The following LMF1 variants were observed in gnomAD, a reference collection of about 807,000 sequenced individuals.
LMF1 encodes the protein transmembrane protein 112.
Under a neutral mutation model 60.6 loss-of-function variants are expected in LMF1, and 68 were observed. The ratio of observed to expected loss-of-function variants is 1.12; its 90% CI spans 0.92 to 1.37. The LOEUF is 1.37. Among genes scored for constraint, LMF1 ranks in the 40% most tolerant of loss-of-function variants. The pLI is 0.00. For synonymous variants in LMF1, 418 were observed against 324.7 expected, an observed-to-expected ratio of 1.29 and a Z score of -3.09; for missense variants, 948 against 767.2, an observed-to-expected ratio of 1.24 and a Z score of -2.78.
At chr16:934,464 A>C in intron 2 of LMF1, 1 of 594,756 alleles carries the variant, frequency 1.7e-6, no homozygotes, top group Non-Finnish European at 3.0e-6. Flanking sequence ...AGGCAACCAA[A>C]ACATATTCCA....
intron 5 of LMF1, among the ~76,000 whole-genome samples, chr16:888,986 G>A (rs1338959320): frequency 6.6e-6 from 1 of 152,238 alleles, no homozygotes; most frequent in Non-Finnish European, 1.5e-5. Flanking sequence ...CTGAGGACAT[G>A]GCTCTGGTCC....
At position 954,562 on chromosome 16, in the gene LMF1, CCTGGAAGTACTG is replaced by C; in HGVS notation, c.286_297del (p.Gln96_Gln99del). On this transcript the variant is annotated inframe_deletion, in exon 2 of 11. Coordinates refer to ENST00000262301, the MANE Select transcript of LMF1 (RefSeq NM_022773.4). Reference sequence around the variant, plus strand: ...CTGAAGACTTCCCAGCTCGTCCTGTCCTGGAAGTACTGCTGGAAGTTCTTCAGGAACACTCTG... The same window carrying C: ...CTGAAGACTTCCCAGCTCGTCCTGTCCTGGAAGTTCTTCAGGAACACTCTG... 1.2e-6 allele frequency: 2 copies of C among 1,613,296 alleles called. No homozygotes were observed. Among genetic ancestry groups the C allele is most frequent in the Non-Finnish European group, 1.7e-6 (2 of 1,179,846 alleles).
At chr16:947,059 C>G (rs557650126) in intron 2 of LMF1, among the ~76,000 whole-genome samples, 1 of 152,208 alleles carries the variant, frequency 6.6e-6, no homozygotes, top group African/African-American at 2.4e-5. Flanking sequence ...GACAAAGACA[C>G]CCAGCACACA....
At chr16:900,749 T>G (rs965528243) in intron 4 of LMF1, 7 of 149,916 alleles carry the variant, frequency 4.7e-5, no homozygotes, top group Non-Finnish European at 7.4e-5. Context: ...ACAGACGGGA[T>G]TTCACCATGT....
chr16:958,687 G>C (rs1206951601), intron 1 of LMF1, among the ~76,000 whole-genome samples: 1 of 152,200 alleles, frequency 6.6e-6, no homozygotes, highest in Non-Finnish European at 1.5e-5. Context: ...AGGAGTTCAA[G>C]ACCAGCCTGG....
intron 1 of LMF1, among the ~76,000 whole-genome samples, chr16:967,954 G>A (rs1047589684): frequency 2.0e-5 from 3 of 152,226 alleles, no homozygotes; most frequent in East Asian, 1.9e-4. Context: ...GAGTCCACAC[G>A]TCAGGAAGAC....
At chr16:967,667 C>T (rs1253477141) in intron 1 of LMF1, among the ~76,000 whole-genome samples, 2 of 152,248 alleles carry the variant, frequency 1.3e-5, no homozygotes, top group Non-Finnish European at 2.9e-5. Context: ...TCCCCGACCA[C>T]CTCGGGCAGC....
intron 10 of LMF1, among the ~76,000 whole-genome samples, chr16:859,090 CTCGGGACGG>C (rs2069327909): frequency 1.9e-5 from 2 of 106,048 alleles, no homozygotes; most frequent in Admixed American, 1.9e-4. Flanking sequence ...TGAGTGGTGT[CTCGGGACGG>C]GTGTGCAGTG....
At chr16:870,656 C>A in intron 8 of LMF1, 73 bp downstream of exon 8, 1 of 1,565,238 alleles carries the variant, frequency 6.4e-7, no homozygotes, top group Non-Finnish European at 8.7e-7. Flanking sequence ...TGTAACCCCA[C>A]CTGAATGTGG....
At chr16:975,030 C>G (rs1017891812), upstream of LMF1, among the ~76,000 whole-genome samples, 25 of 152,324 alleles carry the variant, frequency 1.6e-4, no homozygotes, top group Admixed American at 1.4e-3. Flanking sequence ...CCCCACCCCC[C>G]ACGTGAGGCT....
At chr16:970,234 C>T (rs2073012311) in intron 1 of LMF1, among the ~76,000 whole-genome samples, 1 of 152,258 alleles carries the variant, frequency 6.6e-6, no homozygotes, top group Non-Finnish European at 1.5e-5. Context: ...AAGGAGGCTC[C>T]CGGGCCGGCT....
intron 10 of LMF1, among the ~76,000 whole-genome samples, chr16:862,302 C>T (rs1246513910): frequency 1.3e-5 from 2 of 152,034 alleles, no homozygotes; most frequent in South Asian, 2.1e-4. Flanking sequence ...CACCACCATG[C>T]CCAGCTAATT....
intron 10 of LMF1, among the ~76,000 whole-genome samples, chr16:857,664 G>A (rs2069242683): frequency 1.5e-5 from 1 of 68,088 alleles, no homozygotes; most frequent in South Asian, 7.5e-4. Flanking sequence ...GGTGTGAGTG[G>A]TGTCACGGGA....
At chr16:872,689 G>A (rs1415605576) in intron 6 of LMF1, 1 of 152,406 alleles carries the variant, frequency 6.6e-6, no homozygotes, top group African/African-American at 2.4e-5. Flanking sequence ...TAGGCACTGA[G>A]GTCTGACCTT....
intron 5 of LMF1, among the ~76,000 whole-genome samples, chr16:884,507 G>C (rs912714444): frequency 2.6e-5 from 4 of 152,252 alleles, no homozygotes; most frequent in African/African-American, 9.6e-5. Flanking sequence ...ACATTGACAA[G>C]CTGAAAGAAC....
chr16:943,957 G>C (rs1479098481), intron 2 of LMF1, among the ~76,000 whole-genome samples: 1 of 152,176 alleles, frequency 6.6e-6, no homozygotes, highest in Non-Finnish European at 1.5e-5. Context: ...TCATTGAGAA[G>C]TTAATTTTGT....
At chr16:952,967 ACCC>A (rs1567308111) in intron 2 of LMF1, among the ~76,000 whole-genome samples, 30 of 71,960 alleles carry the variant, frequency 4.2e-4, no homozygotes, top group East Asian at 1.6e-3. Flanking sequence ...CCACACAGAC[ACCC>A]CAAACCAGCC....
intron 4 of LMF1, among the ~76,000 whole-genome samples, chr16:910,060 C>T (rs2071068523): frequency 6.6e-6 from 1 of 152,226 alleles, no homozygotes; most frequent in East Asian, 1.9e-4. Context: ...TTTATCATTC[C>T]AGCCCAAAAT....
chr16:902,356 T>G (rs2070837249), intron 4 of LMF1: 1 of 152,976 alleles, frequency 6.5e-6, no homozygotes, highest in South Asian at 2.1e-4. Context: ...CTCACACTCC[T>G]GGACATCAAG....
Sources: gnomAD v4.1 joint callset for allele counts (sites outside exome capture counted in the v4.1 genomes callset) on GRCh38, gnomAD v4.1.1 for gene constraint, MANE v1.5 for transcripts, NCBI Gene and HGNC (gene_info 2026-07-23, HGNC 2026-07-21) for gene names.